The following BMERB1 variants were observed in gnomAD, a reference collection of about 807,000 sequenced individuals.
BMERB1 encodes the protein bMERB domain containing 1.
A neutral mutation model predicts 23.6 loss-of-function variants in BMERB1; 12 were observed. The ratio of observed to expected loss-of-function variants is 0.51; its 90% confidence interval spans 0.33 to 0.82. The LOEUF is 0.82. Among genes scored for constraint, BMERB1 ranks in the 40% least tolerant of loss-of-function variants. The pLI is 0.03. For missense variants in BMERB1, 247 were observed against 255.4 expected, an observed-to-expected ratio of 0.97 and a Z score of 0.22; for synonymous variants, 122 against 96.6, an observed-to-expected ratio of 1.26 and a Z score of -1.54.
At chr16:15,437,370 G>A (rs2050897326) in intron 1 of BMERB1, among the ~76,000 whole-genome samples, 1 of 152,088 alleles carries the variant, frequency 6.6e-6, no homozygotes, top group Non-Finnish European at 1.5e-5. Context: ...TGTCTTTATT[G>A]TGTATACTAA....
Position 15,549,539 on chromosome 16 carries a change from C to T in BMERB1, c.231-18444C>T, listed in dbSNP as rs1207828944. Among the ~76,000 whole-genome samples the T allele has an allele frequency of 7.3e-5, 11 of 151,690 alleles. 1 individual carries two copies. Among genetic ancestry groups the T allele is most frequent in the African/African-American group, 2.7e-4 (11 of 41,280 alleles). On this transcript the variant is annotated intron_variant, in intron 2 of 5. Coordinates refer to ENST00000300006, the MANE Select transcript of BMERB1 (RefSeq NM_033201.3). ...ACTAAAAATACAAATATTAGCTGGG[C>T]GTGGTGGCGGGCGCCTGTAGTCCCA...
intron 2 of BMERB1, among the ~76,000 whole-genome samples, chr16:15,521,569 C>G (rs2150955937): frequency 6.6e-6 from 1 of 152,260 alleles, no homozygotes; most frequent in African/African-American, 2.4e-5. Context: ...CACAGACCAG[C>G]CATAAGTGAG....
rs921364177 is a variant in BMERB1 at position 15,439,795 on chromosome 16, G to A, written c.106+5036G>A. ...TAATTGAGGGAGACATGCAGACAAG[G>A]TGCCTTTTGAAAAAGCGCAGAGCTT... On this transcript the variant is annotated intron_variant, in intron 1 of 5. Coordinates refer to ENST00000300006, the MANE Select transcript of BMERB1 (RefSeq NM_033201.3). Among the ~76,000 whole-genome samples, 11 of 152,238 alleles carry A rather than the reference G, an allele frequency of 7.2e-5. 1 individual carries two copies. The East Asian group carries it at 2.1e-3, about 29-fold the overall frequency.
At chr16:15,468,162 T>TTTTTTTTTTTTTC (rs57267276) in intron 1 of BMERB1, among the ~76,000 whole-genome samples, 5 of 64,554 alleles carry the variant, frequency 7.7e-5, no homozygotes, top group East Asian at 5.2e-4. Context: ...TTTTTTTTTT[T>TTTTTTTTTTTTTC]TGAGGCAGGG....
At chr16:15,434,867 G>T in intron 1 of BMERB1, 108 bp downstream of exon 1, 1 of 919,644 alleles carries the variant, frequency 1.1e-6, no homozygotes, top group Non-Finnish European at 1.6e-6. Context: ...CCAGGGAAGC[G>T]CCCCCGCAGC....
At chr16:15,543,553 G>A (rs181328731) in intron 2 of BMERB1, among the ~76,000 whole-genome samples, 1 of 152,178 alleles carries the variant, frequency 6.6e-6, no homozygotes, top group East Asian at 1.9e-4. Flanking sequence ...GGGCACAGTG[G>A]CTCAATCCTA....
chr16:15,515,380 A>G lies in BMERB1; in HGVS notation c.182A>G (p.Gln61Arg). ...EEIELEMAKI[Q>R]RLREVLVRRE... ...ATTGAGCTGGAGATGGCAAAAATTC[A>G]GCGTCTCCGGGAAGTCTTGGTCCGC... is the stretch of plus-strand genomic sequence containing the variant. Residue 61 changes from glutamine (Q) to arginine (R), a missense_variant, in exon 2 of 6, where the codon CAG becomes CGG. Gln to Arg is a conservative substitution (Grantham distance 43). Transcript: ENST00000300006. 6.2e-7 allele frequency: 1 copy of G among 1,613,974 alleles called. No homozygotes were observed.
At chr16:15,564,898 C>T (rs547235360) in intron 2 of BMERB1, among the ~76,000 whole-genome samples, 1 of 152,316 alleles carries the variant, frequency 6.6e-6, no homozygotes, top group Non-Finnish European at 1.5e-5. Flanking sequence ...TCATTCCTTA[C>T]ATGTAGCCTC....
chr16:15,457,324 A>T (rs2051094772), intron 1 of BMERB1, among the ~76,000 whole-genome samples: 1 of 152,198 alleles, frequency 6.6e-6, no homozygotes, highest in Non-Finnish European at 1.5e-5. Context: ...TAGGAGTTAG[A>T]ATACTTTGGT....
At position 15,434,615 on chromosome 16, in the gene BMERB1, G is replaced by A. The variant is rs745648976; in HGVS notation, c.-39G>A. The A allele has an allele frequency of 3.2e-6, 5 of 1,581,692 alleles. 1 individual carries two copies. In the South Asian group the frequency reaches 5.5e-5, roughly 18 times the overall value. ...CCCTGCAGCCCGCAACGGGAATGGA[G>A]TAAAGGGAGACCCGTCGACCTGGCC... On this transcript the variant is annotated 5_prime_UTR_variant, in exon 1 of 6. Coordinates refer to ENST00000300006, the MANE Select transcript of BMERB1 (RefSeq NM_033201.3).
intron 1 of BMERB1, among the ~76,000 whole-genome samples, chr16:15,458,749 G>A (rs761687383): frequency 3.4e-5 from 5 of 149,200 alleles, no homozygotes; most frequent in African/African-American, 9.9e-5. Context: ...AAGTTTATGA[G>A]AATTAAAAGT....
intron 4 of BMERB1, 122 bp downstream of exon 4, chr16:15,581,453 C>A: frequency 2.8e-6 from 2 of 723,164 alleles, no homozygotes; most frequent in Non-Finnish European, 4.5e-6. Context: ...CCTTGATCCA[C>A]AGTCTCTGGA....
chr16:15,496,108 G>A (rs1241951439), intron 1 of BMERB1, among the ~76,000 whole-genome samples: 1 of 151,888 alleles, frequency 6.6e-6, no homozygotes, highest in Non-Finnish European at 1.5e-5. Context: ...GGTGGGGATA[G>A]TAATGATGGT....
chr16:15,584,727 G>C (rs2031099813), intron 5 of BMERB1, among the ~76,000 whole-genome samples: 1 of 152,118 alleles, frequency 6.6e-6, no homozygotes, highest in South Asian at 2.1e-4. Context: ...CTCTTTGCAT[G>C]TAAGCATCAT....
intron 1 of BMERB1, among the ~76,000 whole-genome samples, chr16:15,496,070 CAG>C (rs2051470237): frequency 6.9e-6 from 1 of 144,768 alleles, no homozygotes; most frequent in African/African-American, 2.8e-5. Flanking sequence ...GTGATGATGA[CAG>C]TGATCGTGAT....
chr16:15,535,228 G>A (rs2052013809), intron 2 of BMERB1, among the ~76,000 whole-genome samples: 1 of 152,106 alleles, frequency 6.6e-6, no homozygotes, highest in Non-Finnish European at 1.5e-5. Flanking sequence ...GTGCATGCCT[G>A]TAGCTTCAGC....
intron 1 of BMERB1, among the ~76,000 whole-genome samples, chr16:15,437,299 A>C (rs1475874692): frequency 6.6e-6 from 1 of 152,316 alleles, no homozygotes; most frequent in Non-Finnish European, 1.5e-5. Flanking sequence ...CTTGCTGGCT[A>C]TGTGACTTTA....
At chr16:15,469,693 T>A (rs1220514898) in intron 1 of BMERB1, among the ~76,000 whole-genome samples, 1 of 152,204 alleles carries the variant, frequency 6.6e-6, no homozygotes, top group Non-Finnish European at 1.5e-5. Flanking sequence ...AGCATACATA[T>A]CCTCTACATA....
At chr16:15,498,225 T>G (rs1567469824) in intron 1 of BMERB1, among the ~76,000 whole-genome samples, 1 of 151,952 alleles carries the variant, frequency 6.6e-6, no homozygotes, top group Non-Finnish European at 1.5e-5. Context: ...ACCTGTGCCC[T>G]GGGAGCACAA....
Sources: allele counts gnomAD v4.1 joint callset (sites outside exome capture counted in the v4.1 genomes callset), GRCh38; gene constraint gnomAD v4.1.1; transcripts MANE v1.5; gene names NCBI Gene and HGNC (gene_info 2026-07-23, HGNC 2026-07-21).